The following UPRT variants were observed in gnomAD, a reference collection of about 807,000 sequenced individuals.
UPRT encodes uracil phosphoribosyltransferase homolog.
In UPRT, 5 loss-of-function variants were observed where a neutral mutation model predicts 22.6. The ratio of observed to expected loss-of-function variants is 0.22; its 90% CI spans 0.12 to 0.47. The LOEUF is 0.47. Among genes scored for constraint, UPRT ranks in the 20% least tolerant of loss-of-function variants. UPRT has a pLI of 0.99. For synonymous variants in UPRT, 77 were observed against 87.7 expected, an observed-to-expected ratio of 0.88 and a Z score of 0.68; for missense variants, 181 against 239.9, an observed-to-expected ratio of 0.75 and a Z score of 1.62.
chrX:75,302,940 C>T (rs1602500556), intron 6 of UPRT, among the ~76,000 whole-genome samples: 1 of 109,957 alleles, frequency 9.1e-6, no homozygotes. Context: ...GGGGTGTTGC[C>T]GTGTGGCCCA....
rs184243050 is a variant in UPRT, at chrX:75,261,561, G to A, written c.-446-29463G>A. On this transcript the variant is annotated intron_variant, in intron 4 of 13. Transcript: ENST00000652605. The stretch of plus-strand genomic sequence containing the variant: ...TACCAACCAACCAAAGTCTGGGACC[G>A]GAATGATTCACAGCTGAATTTGACT... Among the ~76,000 whole-genome samples the A allele has an allele frequency of 4.9e-3, 540 of 111,165 alleles. 4 individuals carry two copies. The highest frequency in any genetic ancestry group is 7.0e-3 in the Non-Finnish European group (368 of 52,896).
intron 4 of UPRT, among the ~76,000 whole-genome samples, chrX:75,235,219 C>A (rs1008329673): frequency 1.8e-5 from 2 of 111,528 alleles, no homozygotes; most frequent in Non-Finnish European, 3.8e-5. Flanking sequence ...CACATACACC[C>A]TCCCAAGACT....
chrX:75,288,785 G>A (rs1443466970), intron 1 of UPRT, among the ~76,000 whole-genome samples: 1 of 111,415 alleles, frequency 9.0e-6, no homozygotes, highest in Non-Finnish European at 1.9e-5. Context: ...AACAAGACAA[G>A]GATACTCACT....
chrX:75,216,755 T>C (rs771566924), intron 4 of UPRT, among the ~76,000 whole-genome samples: 3 of 112,112 alleles, frequency 2.7e-5, no homozygotes, highest in Non-Finnish European at 5.6e-5. Context: ...AAGAAATAAG[T>C]AATTTTTTTC....
chrX:75,173,066 C>T (rs1321605420), intron 4 of UPRT, among the ~76,000 whole-genome samples: 1 of 111,424 alleles, frequency 9.0e-6, no homozygotes, highest in Non-Finnish European at 1.9e-5. Context: ...TGTTTACAAT[C>T]TCTGAGCTAG....
chrX:75,191,621 C>T (rs1291736446), intron 4 of UPRT, among the ~76,000 whole-genome samples: 1 of 112,312 alleles, frequency 8.9e-6, no homozygotes, highest in Non-Finnish European at 1.9e-5. Flanking sequence ...CCAGTTCGAG[C>T]TTCCTGGCCG....
intron 1 of UPRT, among the ~76,000 whole-genome samples, chrX:75,292,287 C>T (rs1304924636): frequency 1.8e-5 from 2 of 111,596 alleles, no homozygotes; most frequent in Non-Finnish European, 3.8e-5. Flanking sequence ...AACCACAGTA[C>T]GTGAAATTGA....
upstream of UPRT, among the ~76,000 whole-genome samples, chrX:75,269,671 A>C (rs1204645719): frequency 8.9e-6 from 1 of 112,101 alleles, no homozygotes; most frequent in East Asian, 2.8e-4. Flanking sequence ...TTCCTATTTA[A>C]TAAATGGTGT....
chrX:75,261,717 A>G (rs2082568479), intron 4 of UPRT, among the ~76,000 whole-genome samples: 1 of 111,877 alleles, frequency 8.9e-6, no homozygotes, highest in Admixed American at 9.6e-5. Flanking sequence ...GAGATACAAT[A>G]AACAAAAGAG....
intron 1 of UPRT, among the ~76,000 whole-genome samples, chrX:75,160,295 T>C (rs903730786): frequency 4.5e-5 from 5 of 111,590 alleles, no homozygotes; most frequent in Non-Finnish European, 7.5e-5. Context: ...TTTTAAAAAC[T>C]TTGGGGCTTT....
intron 4 of UPRT, among the ~76,000 whole-genome samples, chrX:75,203,648 T>C (rs1327784914): frequency 9.0e-5 from 10 of 111,081 alleles, no homozygotes; most frequent in Non-Finnish European, 1.9e-4. Flanking sequence ...TTGGACAATT[T>C]ATAGGCCTGG....
intron 4 of UPRT, among the ~76,000 whole-genome samples, chrX:75,239,574 G>A (rs1474391517): frequency 9.0e-6 from 1 of 111,260 alleles, no homozygotes; most frequent in African/African-American, 3.3e-5. Flanking sequence ...GATAGAGAAA[G>A]AGGGAATCCT....
intron 4 of UPRT, among the ~76,000 whole-genome samples, chrX:75,234,431 C>A (rs1425075610): frequency 9.0e-6 from 1 of 111,384 alleles, no homozygotes; most frequent in East Asian, 2.8e-4. Flanking sequence ...CTGTACCAAG[C>A]AGACCTAAGA....
chrX:75,216,777 C>T (rs1002299424), intron 4 of UPRT, among the ~76,000 whole-genome samples: 2 of 112,133 alleles, frequency 1.8e-5, no homozygotes, highest in African/African-American at 3.2e-5. Context: ...TTTTTTGAGA[C>T]GGAGTCTCGC....
intron 4 of UPRT, among the ~76,000 whole-genome samples, chrX:75,191,163 A>T (rs1057172024): frequency 2.7e-5 from 3 of 111,991 alleles, no homozygotes; most frequent in Non-Finnish European, 5.6e-5. Flanking sequence ...TTTGGTGTGG[A>T]TGTCCTTTCT....
intron 4 of UPRT, among the ~76,000 whole-genome samples, chrX:75,229,918 G>T (rs1379591710): frequency 8.9e-6 from 1 of 112,375 alleles, no homozygotes; most frequent in African/African-American, 3.2e-5. Flanking sequence ...AGGAAGTGCA[G>T]ATATGAGTGC....
In UPRT at chrX:75,303,400, TG is replaced by T; in HGVS notation, c.824-4del. Reference sequence around the variant, plus strand: ...CCTACCATAATAACTTTTGTTTTTTTGAAGGTGCCAAATCAATCATTCAGGA... The same window carrying T: ...CCTACCATAATAACTTTTGTTTTTTTAAGGTGCCAAATCAATCATTCAGGA... On this transcript the variant is annotated splice_region_variant and splice_polypyrimidine_tract_variant and intron_variant, in intron 6 of 6. Transcript: ENST00000373383. 1 of 1,199,048 alleles carries T rather than the reference TG, an allele frequency of 8.3e-7. No homozygotes were observed. The highest frequency in any genetic ancestry group is 1.1e-6 in the Non-Finnish European group (1 of 888,883).
At chrX:75,257,420 T>C (rs1265849923) in intron 4 of UPRT, among the ~76,000 whole-genome samples, 1 of 111,365 alleles carries the variant, frequency 9.0e-6, no homozygotes, top group African/African-American at 3.3e-5. Flanking sequence ...TAATATTGAA[T>C]GGGGAAAAGT....
chrX:75,185,979 T>G (rs1235430388), intron 4 of UPRT, among the ~76,000 whole-genome samples: 9 of 87,862 alleles, frequency 1.0e-4, no homozygotes, highest in Non-Finnish European at 1.7e-4. Flanking sequence ...CCAGCTCCTG[T>G]ATTCATTAAT....
Sources: allele counts gnomAD v4.1 joint callset (sites outside exome capture counted in the v4.1 genomes callset), GRCh38; gene constraint gnomAD v4.1.1; transcripts MANE v1.5; gene names NCBI Gene and HGNC (gene_info 2026-07-23, HGNC 2026-07-21).